Variants in EDIL3 observed in about 807,000 individuals in gnomAD.
EDIL3 encodes the protein EGF-like repeat and discoidin I-like domain-containing protein 3.
EDIL3 carries 37 observed loss-of-function variants against 67.4 expected under a neutral mutation model. That is an observed-to-expected ratio of 0.55 (90% CI 0.42 to 0.72). EDIL3 has a LOEUF of 0.72. EDIL3 is among the 30% of genes least tolerant of loss of function. The pLI is 0.00. For synonymous variants in EDIL3, 195 were observed against 196.3 expected, an observed-to-expected ratio of 0.99 and a Z score of 0.05; for missense variants, 527 against 586.3, an observed-to-expected ratio of 0.90 and a Z score of 1.04.
intron 1 of EDIL3, among the ~76,000 whole-genome samples, chr5:84,268,027 C>T (rs1313476957): frequency 6.6e-6 from 1 of 152,154 alleles, no homozygotes; most frequent in African/African-American, 2.4e-5. Context: ...GTCCCAGCTA[C>T]TCGGGAGGCT....
At chr5:84,068,868 C>T (rs1746686839) in intron 6 of EDIL3, among the ~76,000 whole-genome samples, 1 of 152,116 alleles carries the variant, frequency 6.6e-6, no homozygotes, top group Admixed American at 6.5e-5. Context: ...TACCAGTAAA[C>T]TATGTTGCTA....
At chr5:84,337,784 T>C (rs2112173326) in intron 1 of EDIL3, among the ~76,000 whole-genome samples, 2 of 152,262 alleles carry the variant, frequency 1.3e-5, no homozygotes, top group South Asian at 4.1e-4. Flanking sequence ...GGTGTGAATA[T>C]TTCATTTTTA....
At chr5:83,984,251 C>G (rs1311614239) in intron 9 of EDIL3, among the ~76,000 whole-genome samples, 1 of 151,832 alleles carries the variant, frequency 6.6e-6, no homozygotes, top group Non-Finnish European at 1.5e-5. Flanking sequence ...AAATAGAATA[C>G]AGTGTGTGTG....
At chr5:84,062,005 T>C (rs1746552428) in intron 8 of EDIL3, among the ~76,000 whole-genome samples, 1 of 152,060 alleles carries the variant, frequency 6.6e-6, no homozygotes, top group Non-Finnish European at 1.5e-5. Context: ...AGGCTCCCCA[T>C]ATTTCCCTTC....
At chr5:84,130,058 T>C (rs1323134197) in intron 5 of EDIL3, among the ~76,000 whole-genome samples, 2 of 152,156 alleles carry the variant, frequency 1.3e-5, no homozygotes, top group Non-Finnish European at 2.9e-5. Context: ...TTATTCATCA[T>C]TTTCTTTGTA....
chr5:84,273,050 A>C (rs910755589), intron 1 of EDIL3, among the ~76,000 whole-genome samples: 1 of 152,078 alleles, frequency 6.6e-6, no homozygotes, highest in African/African-American at 2.4e-5. Context: ...TTAGGATCAG[A>C]GGCATTTTTC....
chr5:84,329,514 C>T (rs2112164164), intron 1 of EDIL3, among the ~76,000 whole-genome samples: 1 of 152,180 alleles, frequency 6.6e-6, no homozygotes, highest in Middle Eastern at 3.4e-3. Flanking sequence ...CATCATATGA[C>T]ACTGTGCCAC....
chr5:84,256,973 T>C (rs979041912), intron 1 of EDIL3, among the ~76,000 whole-genome samples: 6 of 152,200 alleles, frequency 3.9e-5, no homozygotes, highest in African/African-American at 1.4e-4. Flanking sequence ...CCCACCTATG[T>C]GGAGTAATCA....
intron 1 of EDIL3, among the ~76,000 whole-genome samples, chr5:84,335,921 T>C (rs1315547326): frequency 6.6e-6 from 1 of 152,208 alleles, no homozygotes; most frequent in Non-Finnish European, 1.5e-5. Flanking sequence ...AAGATAGCAC[T>C]ACTTACTGTT....
intron 9 of EDIL3, among the ~76,000 whole-genome samples, chr5:84,056,368 G>A (rs1309088740): frequency 6.6e-6 from 1 of 151,966 alleles, no homozygotes; most frequent in Non-Finnish European, 1.5e-5. Flanking sequence ...CATACCTAAG[G>A]TAAATGACGA....
intron 1 of EDIL3, among the ~76,000 whole-genome samples, chr5:84,342,905 C>A (rs969029084): frequency 1.6e-4 from 24 of 152,012 alleles, no homozygotes; most frequent in African/African-American, 4.1e-4. Context: ...TTTGCCAGAA[C>A]CTTATTACTC....
chr5:84,346,818 G>A (rs1420835801), intron 1 of EDIL3, among the ~76,000 whole-genome samples: 1 of 152,070 alleles, frequency 6.6e-6, no homozygotes, highest in East Asian at 1.9e-4. Context: ...TAATCATCAT[G>A]TTTCTGTATC....
chr5:84,085,187 C>T (rs1862167), intron 6 of EDIL3, among the ~76,000 whole-genome samples: 56,044 of 152,002 alleles, frequency 0.37, 10,610 homozygotes, highest in Non-Finnish European at 0.4. Context: ...GTCAATTCGT[C>T]AATCTCATTC....
chr5:83,981,007 A>G (rs1304673162), intron 9 of EDIL3, among the ~76,000 whole-genome samples: 1 of 152,116 alleles, frequency 6.6e-6, no homozygotes, highest in Non-Finnish European at 1.5e-5. Context: ...CAAATAAATG[A>G]AAAGATATCT....
intron 1 of EDIL3, among the ~76,000 whole-genome samples, chr5:84,328,239 G>A (rs886108539): frequency 1.3e-5 from 2 of 151,972 alleles, no homozygotes; most frequent in Non-Finnish European, 2.9e-5. Context: ...TGTTCTATAT[G>A]TGGAAACTGT....
At chr5:83,983,585 G>T (rs888408461) in intron 9 of EDIL3, among the ~76,000 whole-genome samples, 1 of 151,956 alleles carries the variant, frequency 6.6e-6, no homozygotes, top group African/African-American at 2.4e-5. Context: ...GCAGCATTGT[G>T]CAATACAAAC....
intron 9 of EDIL3, among the ~76,000 whole-genome samples, chr5:84,003,489 C>T (rs569382116): frequency 1.6e-4 from 24 of 152,152 alleles, no homozygotes; most frequent in African/African-American, 4.6e-4. Flanking sequence ...GCTGCAAATG[C>T]GAGGAAATAT....
intron 9 of EDIL3, among the ~76,000 whole-genome samples, chr5:83,966,365 G>A (rs1744691752): frequency 6.6e-6 from 1 of 152,074 alleles, no homozygotes; most frequent in African/African-American, 2.4e-5. Flanking sequence ...CCATGGACAA[G>A]AACCAGTTCA....
chr5:84,192,614 T>C (rs186742263), intron 3 of EDIL3, among the ~76,000 whole-genome samples: 2 of 152,140 alleles, frequency 1.3e-5, no homozygotes, highest in African/African-American at 4.8e-5. Flanking sequence ...ACTATTTCCA[T>C]CCATTGGTTC....
Sources: gnomAD v4.1 joint callset for allele counts (sites outside exome capture counted in the v4.1 genomes callset) on GRCh38, gnomAD v4.1.1 for gene constraint, MANE v1.5 for transcripts, NCBI Gene and HGNC (gene_info 2026-07-23, HGNC 2026-07-21) for gene names.